TTLL5: variants seen among roughly 807,000 people sequenced by gnomAD.
The protein encoded by TTLL5 is tubulin polyglutamylase TTLL5.
TTLL5 carries 132 observed loss-of-function variants against 168.4 expected under a neutral mutation model. The observed-to-expected ratio is 0.78, with a 90% CI of 0.68 to 0.91. The LOEUF (loss-of-function observed/expected upper bound fraction) is 0.91, where lower values mean the gene tolerates loss of function less well. Among genes scored for constraint, TTLL5 ranks in the 40% least tolerant of loss-of-function variants. The pLI is 0.00. For missense variants in TTLL5, 1,545 were observed against 1,581.5 expected, an observed-to-expected ratio of 0.98 and a Z score of 0.39; for synonymous variants, 546 against 558.6, an observed-to-expected ratio of 0.98 and a Z score of 0.32.
At chr14:75,895,115 G>A (rs188693260) in intron 30 of TTLL5, among the ~76,000 whole-genome samples, 51 of 152,156 alleles carry the variant, frequency 3.4e-4, no homozygotes, top group Non-Finnish European at 6.2e-4. Flanking sequence ...TACATTTTAG[G>A]GGCACATGTT....
intron 7 of TTLL5, among the ~76,000 whole-genome samples, chr14:75,703,351 G>A (rs966720964): frequency 6.6e-6 from 1 of 152,142 alleles, no homozygotes; most frequent in Admixed American, 6.5e-5. Context: ...TTACCATTAC[G>A]AGAACGAGAT....
chr14:75,875,827 A>G (rs1003278104), intron 29 of TTLL5, among the ~76,000 whole-genome samples: 1 of 152,262 alleles, frequency 6.6e-6, no homozygotes, highest in Non-Finnish European at 1.5e-5. Flanking sequence ...ACATACATAT[A>G]GAAAATAAGT....
intron 30 of TTLL5, among the ~76,000 whole-genome samples, chr14:75,887,974 G>A (rs976284818): frequency 2.0e-5 from 3 of 152,184 alleles, no homozygotes; most frequent in Non-Finnish European, 2.9e-5. Flanking sequence ...GAGGGCTTTT[G>A]TATAGTGTCT....
chr14:75,858,306 G>C (rs1381804270), intron 28 of TTLL5, among the ~76,000 whole-genome samples: 1 of 152,244 alleles, frequency 6.6e-6, no homozygotes, highest in African/African-American at 2.4e-5. Context: ...AACTGTAGTA[G>C]AAGTCACTGT....
At chr14:75,940,426 C>T (rs1162693230) in intron 31 of TTLL5, among the ~76,000 whole-genome samples, 2 of 152,104 alleles carry the variant, frequency 1.3e-5, no homozygotes, top group East Asian at 3.8e-4. Context: ...ATAAAAGAAA[C>T]TCTCCTTTTA....
intron 31 of TTLL5, chr14:75,906,683 G>A (rs1334270158): frequency 2.0e-6 from 2 of 985,670 alleles, no homozygotes; most frequent in South Asian, 4.7e-5. Context: ...TTAAGGTAAC[G>A]GTAAGAATAA....
intron 6 of TTLL5, among the ~76,000 whole-genome samples, chr14:75,691,019 T>G (rs1885422818): frequency 6.6e-6 from 1 of 152,238 alleles, no homozygotes; most frequent in African/African-American, 2.4e-5. Context: ...AGCCTTGATT[T>G]CTTGTCTTCT....
chr14:75,711,173 A>AT (rs1491006051), intron 9 of TTLL5: 2 of 152,268 alleles, frequency 1.3e-5, no homozygotes, highest in South Asian at 2.1e-4. Flanking sequence ...CTGTTTTCTC[A>AT]TGTGTGGGTA....
intron 31 of TTLL5, among the ~76,000 whole-genome samples, chr14:75,949,718 G>T (rs1176484230): frequency 6.6e-6 from 1 of 151,842 alleles, no homozygotes; most frequent in Non-Finnish European, 1.5e-5. Context: ...GGCGTGGGGT[G>T]CATGCCTATA....
chr14:75,934,701 G>A (rs1431988817), intron 31 of TTLL5, among the ~76,000 whole-genome samples: 1 of 152,182 alleles, frequency 6.6e-6, no homozygotes. Flanking sequence ...GTAATCTTAT[G>A]TATGGAAAGT....
At chr14:75,690,153 C>A in intron 5 of TTLL5, 39 bp from the exon 6 acceptor site, 1 of 1,611,382 alleles carries the variant, frequency 6.2e-7, no homozygotes, top group Non-Finnish European at 8.5e-7. Context: ...AATTCTGAGT[C>A]ATAGTTTACT....
chr14:75,816,763 A>G (rs1002427558), intron 27 of TTLL5, among the ~76,000 whole-genome samples: 3 of 152,122 alleles, frequency 2.0e-5, no homozygotes, highest in Non-Finnish European at 2.9e-5. Context: ...ATCATGTCTA[A>G]TATAAAAGGT....
At chr14:75,933,907 GCAAGA>G in intron 31 of TTLL5, among the ~76,000 whole-genome samples, 1 of 152,336 alleles carries the variant, frequency 6.6e-6, no homozygotes, top group East Asian at 1.9e-4. Context: ...CAAGGACACA[GCAAGA>G]CTGTGGCCAT....
chr14:75,877,008 A>C (rs1399143802), intron 29 of TTLL5, among the ~76,000 whole-genome samples: 1 of 152,212 alleles, frequency 6.6e-6, no homozygotes, highest in African/African-American at 2.4e-5. Context: ...ATGTCTTTGC[A>C]TATGTCATGG....
chr14:75,882,964 T>C, intron 30 of TTLL5, 62 bp downstream of exon 30: 1 of 1,531,450 alleles, frequency 6.5e-7, no homozygotes, highest in Non-Finnish European at 9.0e-7. Context: ...TAGTACTCTT[T>C]ATTTATTACT....
chr14:75,932,236 G>A (rs2034299590), intron 31 of TTLL5, among the ~76,000 whole-genome samples: 1 of 152,144 alleles, frequency 6.6e-6, no homozygotes. Context: ...CTGATATTCG[G>A]AGGCTATTCT....
chr14:75,809,349 A>T (rs1314185503), intron 27 of TTLL5, among the ~76,000 whole-genome samples: 1 of 152,170 alleles, frequency 6.6e-6, no homozygotes, highest in Admixed American at 6.5e-5. Context: ...CTCCAAATCT[A>T]TGAGTATCTT....
chr14:75,795,258 T>G (rs1892939007), intron 27 of TTLL5, among the ~76,000 whole-genome samples: 1 of 152,230 alleles, frequency 6.6e-6, no homozygotes, highest in Admixed American at 6.5e-5. Context: ...GCAAAACCTC[T>G]AAATGCAATA....
At chr14:75,917,975 TC>T (rs1475325318) in intron 31 of TTLL5, among the ~76,000 whole-genome samples, 1 of 152,186 alleles carries the variant, frequency 6.6e-6, no homozygotes, top group African/African-American at 2.4e-5. Flanking sequence ...CTAGTGCTGC[TC>T]TTCAGAGACA....
Sources: gnomAD v4.1 joint callset for allele counts (sites outside exome capture counted in the v4.1 genomes callset) on GRCh38, gnomAD v4.1.1 for gene constraint, MANE v1.5 for transcripts, NCBI Gene and HGNC (gene_info 2026-07-23, HGNC 2026-07-21) for gene names.